The following GALNT13 variants were observed in gnomAD, a reference collection of about 807,000 sequenced individuals.
GALNT13 encodes the protein polypeptide N-acetylgalactosaminyltransferase 13.
A neutral mutation model predicts 64.2 loss-of-function variants in GALNT13; 28 were observed. The ratio of observed to expected loss-of-function variants is 0.44; its 90% CI spans 0.32 to 0.60. GALNT13 has a LOEUF of 0.60. Among genes scored for constraint, GALNT13 ranks in the 20% least tolerant of loss-of-function variants. The pLI is 0.05. For missense variants in GALNT13, 577 were observed against 669.8 expected, an observed-to-expected ratio of 0.86 and a Z score of 1.53; for synonymous variants, 214 against 224.6, an observed-to-expected ratio of 0.95 and a Z score of 0.42.
intron 7 of GALNT13, among the ~76,000 whole-genome samples, chr2:154,255,963 G>A (rs772642847): frequency 2.6e-5 from 4 of 151,888 alleles, no homozygotes; most frequent in Admixed American, 6.6e-5. Context: ...TGAGGTGGGA[G>A]AATCATCTGA....
chr2:154,269,855 G>A (rs985006142), intron 8 of GALNT13, among the ~76,000 whole-genome samples: 6 of 115,466 alleles, frequency 5.2e-5, no homozygotes, highest in Admixed American at 5.2e-4. Flanking sequence ...TAGATAAGAG[G>A]CAATGAGACA....
chr2:154,213,163 C>T (rs190946570), intron 4 of GALNT13, among the ~76,000 whole-genome samples: 2 of 152,208 alleles, frequency 1.3e-5, no homozygotes, highest in East Asian at 3.9e-4. Context: ...AGTGTAGTGG[C>T]ACAAGCTCAG....
At chr2:153,476,829 T>C in the GALNT13 span, among the ~76,000 whole-genome samples, 1 of 152,236 alleles carries the variant, frequency 6.6e-6, no homozygotes, top group Non-Finnish European at 1.5e-5. Flanking sequence ...CGTCACTGTG[T>C]ACCTTAGCAG....
the GALNT13 span, among the ~76,000 whole-genome samples, chr2:153,538,045 C>T: frequency 6.6e-5 from 10 of 152,078 alleles, no homozygotes; most frequent in African/African-American, 2.4e-4. Context: ...GTTTGGGGGA[C>T]TCAGAAGAAA....
intron 4 of GALNT13, among the ~76,000 whole-genome samples, chr2:154,214,035 T>C (rs1017115563): frequency 2.6e-5 from 4 of 152,178 alleles, no homozygotes; most frequent in African/African-American, 9.6e-5. Context: ...TACTAGAATA[T>C]TCCACTAACG....
chr2:154,143,432 T>A (rs887264838), intron 4 of GALNT13, among the ~76,000 whole-genome samples: 1 of 151,924 alleles, frequency 6.6e-6, no homozygotes, highest in Admixed American at 6.6e-5. Context: ...AAACACTATT[T>A]CAAGTTTTTA....
chr2:153,084,960 A>G, the GALNT13 span, among the ~76,000 whole-genome samples: 2 of 152,180 alleles, frequency 1.3e-5, no homozygotes, highest in East Asian at 3.9e-4. Flanking sequence ...GAATGTTTGG[A>G]ACTTCCTAGA....
chr2:153,290,682 G>A, the GALNT13 span, among the ~76,000 whole-genome samples: 19,887 of 152,124 alleles, frequency 0.13, 1,642 homozygotes, highest in Non-Finnish European at 0.18. Flanking sequence ...CAAGACCAAG[G>A]CATTTGCTTT....
chr2:153,529,576 C>T, the GALNT13 span, among the ~76,000 whole-genome samples: 1 of 151,478 alleles, frequency 6.6e-6, no homozygotes, highest in Admixed American at 6.6e-5. Flanking sequence ...GCCACTATTA[C>T]CCTGATATCA....
At chr2:153,599,749 A>G in the GALNT13 span, among the ~76,000 whole-genome samples, 1 of 152,002 alleles carries the variant, frequency 6.6e-6, no homozygotes, top group Non-Finnish European at 1.5e-5. Context: ...TAGTATTTAC[A>G]TTATTGTGAT....
At chr2:153,473,398 T>C in the GALNT13 span, among the ~76,000 whole-genome samples, 35 of 152,324 alleles carry the variant, frequency 2.3e-4, no homozygotes, top group East Asian at 4.4e-3. Flanking sequence ...AATCCTGGAC[T>C]TTCAAGTCTT....
chr2:154,446,080 G>A (rs1171268782), intron 12 of GALNT13, among the ~76,000 whole-genome samples: 1 of 151,952 alleles, frequency 6.6e-6, no homozygotes, highest in Non-Finnish European at 1.5e-5. Flanking sequence ...ACATAAGTGG[G>A]AGCAATTTGA....
At chr2:154,041,938 T>C (rs1371495516) in intron 3 of GALNT13, among the ~76,000 whole-genome samples, 1 of 140,334 alleles carries the variant, frequency 7.1e-6, no homozygotes, top group African/African-American at 2.4e-5. Flanking sequence ...TTTAGTAAAC[T>C]TGGTGCTTAG....
At chr2:153,132,240 T>C in the GALNT13 span, among the ~76,000 whole-genome samples, 1 of 152,178 alleles carries the variant, frequency 6.6e-6, no homozygotes, top group African/African-American at 2.4e-5. Context: ...CAATTTAAGC[T>C]GGTGGGGGAG....
the GALNT13 span, among the ~76,000 whole-genome samples, chr2:153,615,770 T>A: frequency 2.0e-5 from 3 of 152,228 alleles, no homozygotes; most frequent in East Asian, 5.8e-4. Flanking sequence ...TTTGTCCATT[T>A]TAAAAATCAG....
At chr2:153,318,381 C>CT in the GALNT13 span, among the ~76,000 whole-genome samples, 19 of 152,136 alleles carry the variant, frequency 1.2e-4, no homozygotes, top group African/African-American at 4.3e-4. Flanking sequence ...GGCAGGTGAC[C>CT]TAAACCAAGC....
intron 9 of GALNT13, among the ~76,000 whole-genome samples, chr2:154,373,661 T>C (rs2105316293): frequency 6.6e-6 from 1 of 152,334 alleles, no homozygotes; most frequent in East Asian, 1.9e-4. Flanking sequence ...TTTCCACTGC[T>C]TTTTATATTG....
At chr2:153,738,092 T>G in the GALNT13 span, among the ~76,000 whole-genome samples, 5 of 152,060 alleles carry the variant, frequency 3.3e-5, no homozygotes, top group Non-Finnish European at 2.9e-5. Flanking sequence ...TTTTTATTTT[T>G]CTGAATCTTT....
the GALNT13 span, among the ~76,000 whole-genome samples, chr2:153,854,672 A>T: frequency 6.6e-6 from 1 of 152,144 alleles, no homozygotes; most frequent in Non-Finnish European, 1.5e-5. Context: ...TAAGGCAAGG[A>T]AACATAATAA....
Sources: gnomAD v4.1 joint callset for allele counts (sites outside exome capture counted in the v4.1 genomes callset) on GRCh38, gnomAD v4.1.1 for gene constraint, MANE v1.5 for transcripts, NCBI Gene and HGNC (gene_info 2026-07-23, HGNC 2026-07-21) for gene names.